PSD2: variants seen among roughly 807,000 people sequenced by gnomAD.
The protein encoded by PSD2 is PH and SEC7 domain-containing protein 2.
In PSD2, 38 loss-of-function variants were observed where a neutral mutation model predicts 69.8. The ratio of observed to expected loss-of-function variants is 0.54; its 90% CI spans 0.42 to 0.71. The LOEUF (loss-of-function observed/expected upper bound fraction) is 0.71, where lower values mean the gene tolerates loss of function less well. PSD2 is among the 30% of genes least tolerant of loss of function. The pLI is 0.00. For synonymous variants in PSD2, 412 were observed against 423.0 expected (o/e 0.97, Z 0.32); for missense variants, 943 against 1,014.5 (o/e 0.93, Z 0.96).
chr5:139,753,562 A>G, the PSD2 span, among the ~76,000 whole-genome samples: 63 of 152,190 alleles, frequency 4.1e-4, no homozygotes, highest in Non-Finnish European at 7.6e-4. Context: ...TGACCCTAAC[A>G]TGGACCATCA....
Position 139,813,566 on chromosome 5 carries a change from G to T in PSD2, c.629G>T (p.Gly210Val), listed in dbSNP as rs1355803994. 6.2e-7 allele frequency: 1 copy of T among 1,612,446 alleles called. No homozygotes were observed. The highest frequency in any genetic ancestry group is 1.7e-5 in the Admixed American group (1 of 59,974). ...GACATGGCGTTTGAGGGGGACATGGGGGCAGCTGGTGGTGATGGGGAGCTG... is the reference window on the plus strand; with the variant it reads ...GACATGGCGTTTGAGGGGGACATGGTGGCAGCTGGTGGTGATGGGGAGCTG... ...IGDMAFEGDM[G>V]AAGGDGELGS... Residue 210 changes from glycine to valine, a missense_variant, in exon 3 of 15, where the codon GGG becomes GTG. Physicochemically the swap from Gly to Val is moderately radical, Grantham distance 109. This residue lies in a region of PSD2 where 466 missense variants were observed against 445.0 expected (regional missense o/e 1.05). Coordinates refer to ENST00000274710, the MANE Select transcript of PSD2 (RefSeq NM_032289.4).
intron 4 of PSD2, among the ~76,000 whole-genome samples, chr5:139,816,511 C>T (rs1199861752): frequency 6.6e-6 from 1 of 152,208 alleles, no homozygotes; most frequent in Non-Finnish European, 1.5e-5. Context: ...GAATGTTCCA[C>T]GGTTTGGATA....
chr5:139,788,572 G>C, the PSD2 span, among the ~76,000 whole-genome samples: 5 of 152,206 alleles, frequency 3.3e-5, no homozygotes, highest in Non-Finnish European at 4.4e-5. Flanking sequence ...AGGCCTGGAC[G>C]GCCAGCTGGA....
the PSD2 span, among the ~76,000 whole-genome samples, chr5:139,780,451 G>A: frequency 6.6e-6 from 1 of 151,908 alleles, no homozygotes; most frequent in African/African-American, 2.4e-5. Context: ...TGTTGTTGTT[G>A]TTCTTTTTTT....
chr5:139,780,866 T>C, the PSD2 span, among the ~76,000 whole-genome samples: 2 of 152,340 alleles, frequency 1.3e-5, no homozygotes, highest in East Asian at 3.9e-4. Context: ...ATTCAGACTT[T>C]GGGAGAATCC....
At chr5:139,761,945 G>A in the PSD2 span, among the ~76,000 whole-genome samples, 1 of 152,212 alleles carries the variant, frequency 6.6e-6, no homozygotes. Context: ...GACCTGAGGA[G>A]GGTCATTTAG....
chr5:139,826,598 C>G (rs553486218), intron 7 of PSD2, among the ~76,000 whole-genome samples: 1 of 152,268 alleles, frequency 6.6e-6, no homozygotes, highest in East Asian at 1.9e-4. Flanking sequence ...AGATGAGGTC[C>G]TGAGCTGAGA....
At chr5:139,835,036 C>T (rs989381817) in intron 8 of PSD2, among the ~76,000 whole-genome samples, 10 of 151,814 alleles carry the variant, frequency 6.6e-5, no homozygotes, top group Admixed American at 1.3e-4. Flanking sequence ...CTGTACTCCT[C>T]AAACACTCCC....
chr5:139,792,237 T>A (rs1475645811), upstream of PSD2, among the ~76,000 whole-genome samples: 1 of 152,156 alleles, frequency 6.6e-6, no homozygotes, highest in Non-Finnish European at 1.5e-5. Context: ...CTCTCTGGGA[T>A]TGGCCTGGGG....
the PSD2 span, among the ~76,000 whole-genome samples, chr5:139,788,720 C>T: frequency 1.3e-3 from 194 of 152,280 alleles, no homozygotes; most frequent in African/African-American, 4.3e-3. Context: ...GGCCGGCGGC[C>T]GGCTGCCGGC....
the PSD2 span, among the ~76,000 whole-genome samples, chr5:139,759,154 C>T: frequency 0.015 from 2,309 of 152,256 alleles, 23 homozygotes; most frequent in East Asian, 0.063. Context: ...ATGGCCTCCC[C>T]CATTCTCCGT....
the PSD2 span, among the ~76,000 whole-genome samples, chr5:139,767,235 C>T: frequency 1.3e-4 from 19 of 151,254 alleles, no homozygotes; most frequent in Admixed American, 9.3e-4. Flanking sequence ...CCTCGTGATC[C>T]GCCTGCCTCG....
chr5:139,748,664 T>G, the PSD2 span, among the ~76,000 whole-genome samples: 1 of 152,146 alleles, frequency 6.6e-6, no homozygotes, highest in Non-Finnish European at 1.5e-5. Context: ...GCAGCGCGGG[T>G]GCAGACCTCG....
At chr5:139,781,524 A>AC in the PSD2 span, among the ~76,000 whole-genome samples, 3 of 151,668 alleles carry the variant, frequency 2.0e-5, no homozygotes, top group Admixed American at 2.0e-4. Context: ...TTTAGTAGAG[A>AC]TGGGGTTTCA....
intron 7 of PSD2, among the ~76,000 whole-genome samples, chr5:139,826,869 G>T (rs1760434543): frequency 1.3e-5 from 2 of 152,160 alleles, no homozygotes; most frequent in South Asian, 4.1e-4. Flanking sequence ...GCAATTCCAG[G>T]CCTCACAGCC....
chr5:139,817,358 T>C (rs1760145774), intron 4 of PSD2, 123 bp from the exon 5 acceptor site: 13 of 791,212 alleles, frequency 1.6e-5, no homozygotes, highest in African/African-American at 5.2e-5. Context: ...GCCAGCAGCC[T>C]AGGGGTTGAG....
chr5:139,823,188 C>T (rs911711775), intron 7 of PSD2, among the ~76,000 whole-genome samples: 1 of 152,240 alleles, frequency 6.6e-6, no homozygotes, highest in Non-Finnish European at 1.5e-5. Flanking sequence ...TGTGGGACGC[C>T]CAGGCTGTGA....
chr5:139,781,864 C>T, the PSD2 span, among the ~76,000 whole-genome samples: 1 of 152,022 alleles, frequency 6.6e-6, no homozygotes, highest in Admixed American at 6.6e-5. Flanking sequence ...GAACTCCTGA[C>T]CTCAGGTGAT....
chr5:139,835,824 T>TG, intron 9 of PSD2, 58 bp downstream of exon 9: 1 of 1,553,582 alleles, frequency 6.4e-7, no homozygotes, highest in Non-Finnish European at 8.9e-7. Context: ...TGGGGGAGTG[T>TG]GGGGGTGCAG....
Sources: allele counts gnomAD v4.1 joint callset (sites outside exome capture counted in the v4.1 genomes callset), GRCh38; gene constraint gnomAD v4.1.1; regional missense constraint gnomAD v4.1.1; transcripts MANE v1.5; gene names NCBI Gene and HGNC (gene_info 2026-07-23, HGNC 2026-07-21).